CATSPERE: variants seen among roughly 807,000 people sequenced by gnomAD.
CATSPERE encodes the protein cation channel sperm-associated auxiliary subunit epsilon.
Under a neutral mutation model 114.1 loss-of-function variants are expected in CATSPERE, and 93 were observed. The ratio of observed to expected loss-of-function variants is 0.81; its 90% confidence interval spans 0.69 to 0.97. CATSPERE has a LOEUF of 0.97. Ranked by LOEUF, CATSPERE falls within the 50% of genes least tolerant of loss-of-function variation. The pLI is 0.00. For synonymous variants in CATSPERE, 341 were observed against 384.1 expected (o/e 0.89, Z 1.31); for missense variants, 1,058 against 1,131.6 (o/e 0.93, Z 0.93).
intron 8 of CATSPERE, among the ~76,000 whole-genome samples, chr1:244,531,563 C>T (rs3005944): frequency 0.13 from 19,520 of 151,754 alleles, 2,182 homozygotes; most frequent in African/African-American, 0.3. Context: ...TTATCAAATG[C>T]TTTTCGGTAT....
intron 20 of CATSPERE, among the ~76,000 whole-genome samples, chr1:244,629,477 C>A (rs1265556617): frequency 1.4e-5 from 2 of 146,744 alleles, no homozygotes; most frequent in African/African-American, 2.5e-5. Flanking sequence ...ATGTACCCCA[C>A]AACTCATGGG....
chr1:244,518,619 G>T lies in CATSPERE; in HGVS notation c.457G>T (p.Ala153Ser). 6.3e-7 allele frequency: 1 copy of T among 1,597,568 alleles called. No homozygotes were observed. Among genetic ancestry groups the T allele is most frequent in the Non-Finnish European group, 8.6e-7 (1 of 1,167,436 alleles). The change falls in exon 8 of 22, where the codon GCC (alanine) becomes TCC (serine). Residue 153 changes from alanine (A) to serine (S), a missense_variant. By Grantham distance (99) the Ala-to-Ser change is moderately conservative. Transcript: ENST00000366534. ...TTCCATAGTACTCAGCACACAGATGGCCACATTGGGACAGAAGCCTGTCAT... is the reference window on the plus strand; with the variant it reads ...TTCCATAGTACTCAGCACACAGATGTCCACATTGGGACAGAAGCCTGTCAT... ...INSIVLSTQM[A>S]TLGQKPVIHT...
chr1:244,489,137 A>G (rs1180162707), intron 5 of CATSPERE, among the ~76,000 whole-genome samples: 1 of 152,134 alleles, frequency 6.6e-6, no homozygotes, highest in Non-Finnish European at 1.5e-5. Context: ...TTTATTTTAT[A>G]ATTAAAAATA....
intron 20 of CATSPERE, among the ~76,000 whole-genome samples, chr1:244,623,529 G>A (rs1228747451): frequency 6.6e-6 from 1 of 152,118 alleles, no homozygotes; most frequent in Non-Finnish European, 1.5e-5. Flanking sequence ...GTCACAGAAA[G>A]AATAAATCAC....
intron 13 of CATSPERE, among the ~76,000 whole-genome samples, chr1:244,585,796 C>G (rs1666937426): frequency 1.3e-5 from 2 of 152,128 alleles, no homozygotes; most frequent in Admixed American, 1.3e-4. Context: ...AGCAGAGCAG[C>G]AAATAGAACT....
Position 244,639,916 on chromosome 1 carries a change from T to G in CATSPERE, c.2703-12T>G. On this transcript the variant is annotated splice_polypyrimidine_tract_variant and intron_variant, in intron 21 of 21. Transcript: ENST00000366534. ...GACTTCTAATGCCTTTTTTTTTTTT[T>G]TCTGATTTCAGTCCAAGTGTCTACC... The G allele has an allele frequency of 6.7e-7, 1 of 1,490,254 alleles. No individual in the cohort carries two copies. Among genetic ancestry groups the G allele is most frequent in the Non-Finnish European group, 8.9e-7 (1 of 1,121,830 alleles). 92.3% of individuals were successfully genotyped at this position (1,490,254 alleles called of 1,614,324 possible). A position where few individuals can be genotyped will look rare whatever the true frequency, so the allele number is the denominator to read the frequency against.
upstream of CATSPERE, among the ~76,000 whole-genome samples, chr1:244,458,045 G>A (rs1049031399): frequency 2.0e-5 from 3 of 152,112 alleles, no homozygotes; most frequent in Non-Finnish European, 4.4e-5. Context: ...GCCCTAAAAT[G>A]TTTTTGTCAT....
chr1:244,589,586 A>G (rs941117096), intron 14 of CATSPERE, among the ~76,000 whole-genome samples: 4 of 152,202 alleles, frequency 2.6e-5, no homozygotes, highest in African/African-American at 9.6e-5. Context: ...GTAGATTCTC[A>G]GGCCTCATCC....
At position 244,593,398 on chromosome 1, in the gene CATSPERE, A is replaced by G. The variant is rs895139285; in HGVS notation, c.2193A>G (p.Ser731=). 5.6e-6 allele frequency: 9 copies of G among 1,612,582 alleles called. No homozygotes were observed. The highest frequency in any genetic ancestry group is 7.6e-6 in the Non-Finnish European group (9 of 1,179,874). Residue 731 remains serine (S), a synonymous_variant, in exon 16 of 22, where the codon TCA becomes TCG. Coordinates refer to ENST00000366534, the MANE Select transcript of CATSPERE (RefSeq NM_001130957.2). ...HHDFSYVIEK[S]YLRHQPSKNL... ...ATGAGGAATGTCTTTTTCACAGGTC[A>G]TATCTGAGGCATCAGCCATCGAAAA...
intron 4 of CATSPERE, among the ~76,000 whole-genome samples, chr1:244,479,312 C>T (rs1349668707): frequency 1.3e-5 from 2 of 151,988 alleles, no homozygotes; most frequent in East Asian, 2.0e-4. Context: ...AGGCTGGTCT[C>T]GAACTTCTCA....
At chr1:244,462,642 A>G (rs534412655) in intron 1 of CATSPERE, among the ~76,000 whole-genome samples, 13 of 152,356 alleles carry the variant, frequency 8.5e-5, no homozygotes, top group Admixed American at 2.6e-4. Context: ...CTTCAAAAAA[A>G]GCCTTTGATG....
At chr1:244,581,364 AT>A (rs1253949944) in intron 11 of CATSPERE, among the ~76,000 whole-genome samples, 3 of 152,160 alleles carry the variant, frequency 2.0e-5, no homozygotes, top group Admixed American at 6.5e-5. Flanking sequence ...ATTCTGAATA[AT>A]GTTACAATGA....
upstream of CATSPERE, chr1:244,451,846 G>A (rs1216853404): frequency 1.3e-6 from 2 of 1,538,302 alleles, no homozygotes; most frequent in African/African-American, 1.4e-5. The surrounding 1 kb of genome is among the most constrained non-coding windows in gnomAD (Gnocchi z 6.6). Context: ...AGAGCCCGAA[G>A]GAGAGGCGGC....
At position 244,523,037 on chromosome 1, in the gene CATSPERE, A is replaced by G. The variant is rs1572546995; in HGVS notation, c.536+4339A>G. ...GCCGGGCAGAGACACAACCAAAAAA[A>G]GAGAATTTTAGACCAATATCCTTGA... On this transcript the variant is annotated intron_variant, in intron 8 of 21. Coordinates refer to ENST00000366534, the MANE Select transcript of CATSPERE (RefSeq NM_001130957.2). 4.8e-5 allele frequency among the ~76,000 whole-genome samples: 7 copies of G among 147,066 alleles called. No homozygotes were observed. In the South Asian group the frequency reaches 1.5e-3, roughly 31 times the overall value.
At chr1:244,552,145 C>T (rs1332016632) in intron 8 of CATSPERE, among the ~76,000 whole-genome samples, 177 bp from the exon 9 acceptor site, 4 of 149,554 alleles carry the variant, frequency 2.7e-5, no homozygotes, top group African/African-American at 9.8e-5. Context: ...GATTGTGTTC[C>T]TTTGGGACCA....
At chr1:244,533,003 A>G (rs1264083181) in intron 8 of CATSPERE, among the ~76,000 whole-genome samples, 3 of 151,816 alleles carry the variant, frequency 2.0e-5, no homozygotes, top group Non-Finnish European at 4.4e-5. Flanking sequence ...CTTTAGCTCT[A>G]ATAATATTTG....
chr1:244,601,390 CT>C (rs1669196737), intron 17 of CATSPERE, among the ~76,000 whole-genome samples: 1 of 152,080 alleles, frequency 6.6e-6, no homozygotes, highest in South Asian at 2.1e-4. Context: ...AATATGAAAA[CT>C]TTTCAGAATT....
At chr1:244,628,120 T>C (rs1232780815) in intron 20 of CATSPERE, among the ~76,000 whole-genome samples, 2 of 152,264 alleles carry the variant, frequency 1.3e-5, no homozygotes, top group Non-Finnish European at 1.5e-5. Flanking sequence ...TCGTTATAAT[T>C]GTTCTATTTT....
intron 2 of CATSPERE, among the ~76,000 whole-genome samples, chr1:244,471,138 T>C (rs1668414224): frequency 6.6e-6 from 1 of 152,218 alleles, no homozygotes; most frequent in Admixed American, 6.5e-5. Context: ...TTGTACACTT[T>C]AAATGAATGA....
Sources: gnomAD v4.1 joint callset for allele counts (sites outside exome capture counted in the v4.1 genomes callset) on GRCh38, gnomAD v4.1.1 for gene constraint, Gnocchi (gnomAD v3.1) non-coding constraint, MANE v1.5 for transcripts, NCBI Gene and HGNC (gene_info 2026-07-23, HGNC 2026-07-21) for gene names.